Variants in MGMT observed in about 807,000 individuals in gnomAD.
The protein encoded by MGMT is methylated-DNA--protein-cysteine methyltransferase.
In MGMT, 14 loss-of-function variants were observed where a neutral mutation model predicts 15.9. That is an observed-to-expected ratio of 0.88 (90% CI 0.58 to 1.37). The LOEUF is 1.37. MGMT is among the 40% of genes most tolerant of loss of function. The pLI, the probability that MGMT is intolerant of heterozygous loss-of-function variation, is 0.00. For missense variants in MGMT, 282 were observed against 268.1 expected (o/e 1.05, Z -0.36); for synonymous variants, 130 against 118.2 (o/e 1.10, Z -0.65).
At chr10:129,573,343 G>C (rs1394311200) in intron 2 of MGMT, among the ~76,000 whole-genome samples, 1 of 152,126 alleles carries the variant, frequency 6.6e-6, no homozygotes, top group African/African-American at 2.4e-5. Context: ...AGATTGTACA[G>C]ATCCTTCACC....
At chr10:129,510,027 A>G (rs906623381) in intron 1 of MGMT, among the ~76,000 whole-genome samples, 1 of 152,204 alleles carries the variant, frequency 6.6e-6, no homozygotes, top group Non-Finnish European at 1.5e-5. Flanking sequence ...CACAGTGTCC[A>G]TCTGGGGTCC....
At chr10:129,483,194 C>G (rs1845376516) in intron 1 of MGMT, among the ~76,000 whole-genome samples, 1 of 152,070 alleles carries the variant, frequency 6.6e-6, no homozygotes, top group Admixed American at 6.5e-5. Flanking sequence ...CAAAAGTATG[C>G]TTCAATTTCT....
intron 3 of MGMT, among the ~76,000 whole-genome samples, chr10:129,721,312 C>T (rs1307703168): frequency 1.3e-5 from 2 of 152,312 alleles, no homozygotes; most frequent in Admixed American, 1.3e-4. Context: ...GGGCGGAGTT[C>T]GCGAGAAGAG....
At chr10:129,487,710 C>T (rs563262156) in intron 1 of MGMT, among the ~76,000 whole-genome samples, 2 of 151,860 alleles carry the variant, frequency 1.3e-5, no homozygotes, top group African/African-American at 4.8e-5. Context: ...GATTCTAATC[C>T]TTTGTCAGGT....
rs1325749278 is a variant in MGMT at position 129,532,912 on chromosome 10, C to T, written c.-12-3329C>T. On this transcript the variant is annotated intron_variant, in intron 1 of 4. Coordinates refer to ENST00000651593, the MANE Select transcript of MGMT (RefSeq NM_002412.5). The surrounding 1 kb of genome is among the most constrained non-coding windows in gnomAD (Gnocchi z 5.3). ...CGAATGTCTGCAGTGCAGCTTCAGG[C>T]GCTGATGTGGGCAAACCCTTCCTCT... is the stretch of plus-strand genomic sequence containing the variant. 6.6e-6 allele frequency among the ~76,000 whole-genome samples: 1 copy of T among 152,194 alleles called. No individual in the cohort carries two copies. Among genetic ancestry groups the T allele is most frequent in the African/African-American group, 2.4e-5 (1 of 41,462 alleles).
At chr10:129,629,263 C>G (rs1382090817) in intron 2 of MGMT, among the ~76,000 whole-genome samples, 10 of 152,246 alleles carry the variant, frequency 6.6e-5, no homozygotes, top group African/African-American at 2.4e-4. Context: ...ACCCTTAGTA[C>G]TGCATGATTT....
chr10:129,528,975 C>A (rs1232843479), intron 1 of MGMT, among the ~76,000 whole-genome samples: 3 of 152,098 alleles, frequency 2.0e-5, no homozygotes, highest in African/African-American at 7.2e-5. Flanking sequence ...CACTGTGATT[C>A]CAGGTCATGT....
intron 2 of MGMT, among the ~76,000 whole-genome samples, chr10:129,655,746 G>A (rs1847518420): frequency 6.6e-6 from 1 of 152,196 alleles, no homozygotes; most frequent in Non-Finnish European, 1.5e-5. Context: ...CGTTACGTGA[G>A]CAGGAGGGAA....
intron 1 of MGMT, among the ~76,000 whole-genome samples, chr10:129,511,378 C>A (rs939088125): frequency 4.0e-5 from 6 of 151,376 alleles, no homozygotes; most frequent in African/African-American, 1.5e-4. Flanking sequence ...GTAATGGGAA[C>A]CCGTATACCA....
chr10:129,666,480 C>T (rs556985044), intron 2 of MGMT, among the ~76,000 whole-genome samples: 1 of 152,182 alleles, frequency 6.6e-6, no homozygotes, highest in East Asian at 1.9e-4. Flanking sequence ...TCATAGAACT[C>T]ATATTTTTTG....
intron 3 of MGMT, among the ~76,000 whole-genome samples, chr10:129,737,015 G>T (rs562923743): frequency 1.3e-5 from 2 of 152,030 alleles, no homozygotes; most frequent in Non-Finnish European, 2.9e-5. Flanking sequence ...TTCAACTTTG[G>T]TGAATCTGAC....
chr10:129,607,333 T>G (rs1320245362), intron 2 of MGMT, among the ~76,000 whole-genome samples: 1 of 152,096 alleles, frequency 6.6e-6, no homozygotes, highest in Admixed American at 6.5e-5. Flanking sequence ...ACATTTTAAC[T>G]TAAGGGCTGA....
intron 1 of MGMT, among the ~76,000 whole-genome samples, chr10:129,526,882 G>A (rs570279926): frequency 6.6e-6 from 1 of 152,316 alleles, no homozygotes; most frequent in African/African-American, 2.4e-5. Flanking sequence ...GGCGCCAACT[G>A]CTTAATTCAG....
chr10:129,722,079 A>AG (rs1379531444), intron 3 of MGMT, among the ~76,000 whole-genome samples: 5 of 152,170 alleles, frequency 3.3e-5, no homozygotes, highest in Non-Finnish European at 1.5e-5. Flanking sequence ...GGAAAAAAAA[A>AG]GGAATACATT....
intron 4 of MGMT, among the ~76,000 whole-genome samples, chr10:129,760,894 G>C (rs1374983696): frequency 6.6e-6 from 1 of 152,136 alleles, no homozygotes; most frequent in Non-Finnish European, 1.5e-5. Context: ...TTTTGCACCT[G>C]TTGCACATTA....
chr10:129,614,485 T>C lies in MGMT; in HGVS notation c.125+78108T>C, dbSNP rs11817612. Among the ~76,000 whole-genome samples, 782 of 149,760 alleles carry C rather than the reference T, an allele frequency of 5.2e-3. 5 individuals carry two copies. The highest frequency in any genetic ancestry group is 0.018 in the African/African-American group (717 of 40,520). Reference sequence around the variant, plus strand: ...CTTTGTGTGAGACTGTCAGAGTGTGTTCCTGGCCCTGACACGTGCTCGGCG... The same window carrying C: ...CTTTGTGTGAGACTGTCAGAGTGTGCTCCTGGCCCTGACACGTGCTCGGCG... On this transcript the variant is annotated intron_variant, in intron 2 of 4. Transcript: ENST00000651593.
chr10:129,741,378 A>C (rs1440072768), intron 3 of MGMT, among the ~76,000 whole-genome samples: 1 of 152,224 alleles, frequency 6.6e-6, no homozygotes, highest in Non-Finnish European at 1.5e-5. Flanking sequence ...CCTTGCCAGC[A>C]AGCTGAACCT....
chr10:129,720,251 C>T (rs1168611130), intron 3 of MGMT, among the ~76,000 whole-genome samples: 2 of 152,350 alleles, frequency 1.3e-5, no homozygotes, highest in East Asian at 1.9e-4. Flanking sequence ...AGCTCTAGGC[C>T]ACAATAAATG....
chr10:129,536,482 C>T (rs575722198), intron 2 of MGMT, 105 bp downstream of exon 2: 2 of 1,389,472 alleles, frequency 1.4e-6, no homozygotes, highest in African/African-American at 1.5e-5. Flanking sequence ...AACGCATAGC[C>T]TTACCCCCAC....
Sources: gnomAD v4.1 joint callset for allele counts (sites outside exome capture counted in the v4.1 genomes callset) on GRCh38, gnomAD v4.1.1 for gene constraint, Gnocchi (gnomAD v3.1) non-coding constraint, MANE v1.5 for transcripts, NCBI Gene and HGNC (gene_info 2026-07-23, HGNC 2026-07-21) for gene names.